Variants in MAPK8 observed in about 807,000 individuals in gnomAD.
The protein encoded by MAPK8 is mitogen-activated protein kinase 8, also known as JUN N-terminal kinase.
A neutral mutation model predicts 52.9 loss-of-function variants in MAPK8; 13 were observed. That is an observed-to-expected ratio of 0.25 (90% CI 0.16 to 0.39). MAPK8 has a LOEUF of 0.39. Among genes scored for constraint, MAPK8 ranks in the 10% least tolerant of loss-of-function variants. MAPK8 has a pLI of 1.00. For synonymous variants in MAPK8, 191 were observed against 169.8 expected, an observed-to-expected ratio of 1.12 and a Z score of -0.97; for missense variants, 300 against 519.2, an observed-to-expected ratio of 0.58 and a Z score of 4.10.
intron 3 of MAPK8, among the ~76,000 whole-genome samples, chr10:48,405,426 C>G (rs1491003232): frequency 6.6e-6 from 1 of 152,164 alleles, no homozygotes; most frequent in Non-Finnish European, 1.5e-5. Flanking sequence ...ACTCCCACCT[C>G]TTTAAGTGAT....
rs563586686 is a variant in MAPK8 at position 48,318,627 on chromosome 10, G to A, written c.-50+11806G>A. On this transcript the variant is annotated intron_variant, in intron 1 of 11. Transcript: ENST00000374189. ...AATGCTCAGGTTAACTTTGGGTGTGGGCTTCCGAGGTGGAATTCAGAGACA... is the reference window on the plus strand; with the variant it reads ...AATGCTCAGGTTAACTTTGGGTGTGAGCTTCCGAGGTGGAATTCAGAGACA... 4.6e-5 allele frequency among the ~76,000 whole-genome samples: 7 copies of A among 152,242 alleles called. No individual in the cohort carries two copies. In the South Asian group the frequency reaches 1.5e-3, roughly 32 times the overall value.
At chr10:48,422,618 A>G (rs2133209397) in intron 6 of MAPK8, among the ~76,000 whole-genome samples, 1 of 152,322 alleles carries the variant, frequency 6.6e-6, no homozygotes, top group East Asian at 1.9e-4. Flanking sequence ...AACATTCTCT[A>G]TAAAATCTGT....
At chr10:48,400,152 A>G (rs2042087191) in intron 1 of MAPK8, among the ~76,000 whole-genome samples, 1 of 152,226 alleles carries the variant, frequency 6.6e-6, no homozygotes, top group African/African-American at 2.4e-5. Context: ...CAGTGTTTAA[A>G]TCATTACCAA....
chr10:48,429,235 A>ATATTT (rs1201523246), intron 10 of MAPK8, among the ~76,000 whole-genome samples: 1 of 152,162 alleles, frequency 6.6e-6, no homozygotes, highest in East Asian at 1.9e-4. Flanking sequence ...CAAAGAAAAA[A>ATATTT]ACACCTTCGG....
intron 1 of MAPK8, among the ~76,000 whole-genome samples, chr10:48,361,307 CTGTT>C (rs1424652527): frequency 1.3e-5 from 2 of 152,126 alleles, no homozygotes; most frequent in African/African-American, 2.4e-5. Flanking sequence ...ACTTGATAGT[CTGTT>C]TGTTCTTGGT....
At chr10:48,395,441 A>G (rs57508520) in intron 1 of MAPK8, among the ~76,000 whole-genome samples, 5,890 of 152,082 alleles carry the variant, frequency 0.039, 121 homozygotes, top group African/African-American at 0.049. Context: ...TTTTTGGACA[A>G]TTGGACATCT....
rs2044757166 is a variant in MAPK8 at position 48,435,196 on chromosome 10, A to G, written c.*167A>G. On this transcript the variant is annotated 3_prime_UTR_variant, in exon 12 of 12. Coordinates refer to ENST00000374189, the MANE Select transcript of MAPK8 (RefSeq NM_001323329.2). Reference sequence around the variant, plus strand: ...TTTTTAATTTCAAGTGATGTAATTTAAAACCTAAGTTGTGTTTCAAAACAG... The same window carrying G: ...TTTTTAATTTCAAGTGATGTAATTTGAAACCTAAGTTGTGTTTCAAAACAG... 1.9e-6 allele frequency: 1 copy of G among 524,134 alleles called. No homozygotes were observed. Among genetic ancestry groups the G allele is most frequent in the African/African-American group, 1.9e-5 (1 of 51,442 alleles). The allele number at this position is 524,134 out of a possible 1,614,324, so 32.5% of individuals were successfully genotyped here.
At chr10:48,371,087 A>G (rs1848492114) in intron 1 of MAPK8, among the ~76,000 whole-genome samples, 1 of 152,116 alleles carries the variant, frequency 6.6e-6, no homozygotes, top group Non-Finnish European at 1.5e-5. Flanking sequence ...AGGAGATTGG[A>G]AAGGTTTGAA....
chr10:48,320,026 C>T (rs1842849527), intron 1 of MAPK8, among the ~76,000 whole-genome samples: 1 of 151,630 alleles, frequency 6.6e-6, no homozygotes, highest in Admixed American at 6.6e-5. Context: ...AAGTGATTCT[C>T]CTACCTCAGC....
chr10:48,380,756 A>G (rs2040953468), intron 1 of MAPK8, among the ~76,000 whole-genome samples: 1 of 152,182 alleles, frequency 6.6e-6, no homozygotes, highest in Non-Finnish European at 1.5e-5. Context: ...AAATAAATGT[A>G]AATTAAACAG....
At chr10:48,349,164 C>T (rs771669450) in intron 1 of MAPK8, among the ~76,000 whole-genome samples, 3 of 152,096 alleles carry the variant, frequency 2.0e-5, no homozygotes, top group East Asian at 1.9e-4. Flanking sequence ...CTTAGACCCC[C>T]GTACAATAAT....
chr10:48,325,271 G>A (rs1054787338), intron 1 of MAPK8, among the ~76,000 whole-genome samples: 1 of 152,146 alleles, frequency 6.6e-6, no homozygotes, highest in Non-Finnish European at 1.5e-5. Flanking sequence ...ATATTAACCA[G>A]CTTTCCTCTG....
intron 1 of MAPK8, among the ~76,000 whole-genome samples, chr10:48,337,584 AAAG>A (rs1844818104): frequency 6.6e-6 from 1 of 152,176 alleles, no homozygotes; most frequent in Non-Finnish European, 1.5e-5. Context: ...TAGCAGAACA[AAAG>A]AAATAACAAA....
Position 48,404,935 on chromosome 10 carries a change from G to A in MAPK8, c.206G>A (p.Arg69Gln), listed in dbSNP as rs1411261165. Residue 69 changes from arginine (R) to glutamine (Q), a missense_variant, in exon 3 of 12, where the codon CGG becomes CAG. Arg to Gln is a conservative substitution (Grantham distance 43, BLOSUM62 1). Around this residue, in one of 3 missense-constraint regions of MAPK8, gnomAD observed 147 missense variants for 328.1 expected, o/e 0.45. Coordinates refer to ENST00000374189, the MANE Select transcript of MAPK8 (RefSeq NM_001323329.2). Reference sequence around the variant, plus strand: ...TTTCAGAATCAGACTCATGCCAAGCGGGCCTACAGAGAGCTAGTTCTTATG... The same window carrying A: ...TTTCAGAATCAGACTCATGCCAAGCAGGCCTACAGAGAGCTAGTTCTTATG... ...RPFQNQTHAKRAYRELVLMKC... is the reference protein window; with the variant it reads ...RPFQNQTHAKQAYRELVLMKC... 1.2e-6 allele frequency: 2 copies of A among 1,607,918 alleles called. No individual in the cohort carries two copies. The highest frequency in any genetic ancestry group is 1.7e-6 in the Non-Finnish European group (2 of 1,176,344).
In MAPK8 at chr10:48,426,668, A is replaced by C. The variant is rs1225533600; in HGVS notation, c.996+164A>C. On this transcript the variant is annotated intron_variant, in intron 9 of 11. Coordinates refer to ENST00000374189, the MANE Select transcript of MAPK8 (RefSeq NM_001323329.2). ...CTACGTCAAATAAACTAATGAACAT[A>C]TTCGAGCCCCTCCTACACAAAATAA... The C allele has an allele frequency of 6.0e-6, 4 of 669,622 alleles. No individual in the cohort carries two copies. The South Asian group carries it at 8.2e-5, about 14-fold the overall frequency. The allele number at this position is 669,622 out of a possible 1,614,324, so 41.5% of individuals were successfully genotyped here.
chr10:48,434,451 T>C (rs1203449032), intron 11 of MAPK8, among the ~76,000 whole-genome samples: 1 of 152,340 alleles, frequency 6.6e-6, no homozygotes, highest in African/African-American at 2.4e-5. Context: ...GTAAAGACTT[T>C]TTTGTAGGGA....
chr10:48,370,045 CAG>C (rs1848407951), intron 1 of MAPK8, among the ~76,000 whole-genome samples: 1 of 152,058 alleles, frequency 6.6e-6, no homozygotes, highest in African/African-American at 2.4e-5. Flanking sequence ...TTTAAAATAT[CAG>C]GGTCTTGATC....
chr10:48,423,008 T>G (rs555954036), intron 6 of MAPK8, among the ~76,000 whole-genome samples: 16 of 152,332 alleles, frequency 1.1e-4, no homozygotes, highest in African/African-American at 3.8e-4. Context: ...AATTGGGACC[T>G]TCAGATGTCA....
At chr10:48,356,899 CAAAAAAAA>C (rs201368039) in intron 1 of MAPK8, among the ~76,000 whole-genome samples, 5 of 47,246 alleles carry the variant, frequency 1.1e-4, no homozygotes, top group African/African-American at 2.2e-4. Context: ...CGTAGTTTAC[CAAAAAAAA>C]AAAAAAAAAA....
Sources: allele counts gnomAD v4.1 joint callset (sites outside exome capture counted in the v4.1 genomes callset), GRCh38; gene constraint gnomAD v4.1.1; regional missense constraint gnomAD v4.1.1; transcripts MANE v1.5; gene names NCBI Gene and HGNC (gene_info 2026-07-23, HGNC 2026-07-21).